Variants in TCF4 observed in about 807,000 individuals in gnomAD.
The protein encoded by TCF4 is transcription factor 4.
A neutral mutation model predicts 82.1 loss-of-function variants in TCF4; 3 were observed. The ratio of observed to expected loss-of-function variants is 0.04; its 90% confidence interval spans 0.02 to 0.09. TCF4 has a LOEUF of 0.09. Among genes scored for constraint, TCF4 ranks in the 10% least tolerant of loss-of-function variants. TCF4 has a pLI of 1.00. For synonymous variants in TCF4, 276 were observed against 309.6 expected (o/e 0.89, Z 1.14); for missense variants, 518 against 852.7 (o/e 0.61, Z 4.89).
chr18:55,627,555 G>C (rs1205483974), intron 2 of TCF4, among the ~76,000 whole-genome samples: 1 of 150,954 alleles, frequency 6.6e-6, no homozygotes, highest in African/African-American at 2.4e-5. Context: ...CTTGAGGTCA[G>C]GAGTTCGAGA....
At chr18:55,498,599 C>G (rs1568234352) in intron 3 of TCF4, among the ~76,000 whole-genome samples, 1 of 152,160 alleles carries the variant, frequency 6.6e-6, no homozygotes, top group Non-Finnish European at 1.5e-5. Flanking sequence ...GTGAATCCCC[C>G]CTTTTTACCT....
intron 5 of TCF4, among the ~76,000 whole-genome samples, chr18:55,442,735 G>A (rs1038843516): frequency 3.3e-5 from 5 of 152,052 alleles, no homozygotes; most frequent in South Asian, 2.1e-4. Flanking sequence ...TCCCTCTTCC[G>A]TCACACCGGA....
At chr18:55,621,967 ATATT>A (rs2097721181) in intron 2 of TCF4, among the ~76,000 whole-genome samples, 1 of 127,274 alleles carries the variant, frequency 7.9e-6, no homozygotes, top group Admixed American at 9.5e-5. Flanking sequence ...TATACACTAT[ATATT>A]ATATATTATA....
intron 2 of TCF4, among the ~76,000 whole-genome samples, chr18:55,618,757 T>A (rs1395029431): frequency 2.2e-5 from 1 of 45,632 alleles, no homozygotes; most frequent in Non-Finnish European, 6.7e-5. Context: ...AATTAATTTT[T>A]TTTTTTTTTT....
At chr18:55,261,682 G>T in intron 11 of TCF4, 149 bp from the exon 12 acceptor site, 1 of 905,782 alleles carries the variant, frequency 1.1e-6, no homozygotes, top group Non-Finnish European at 1.8e-6. Context: ...GTTTGCTGAG[G>T]TAGATGTCAA....
At chr18:55,472,376 G>A (rs2096202981) in intron 3 of TCF4, among the ~76,000 whole-genome samples, 1 of 152,154 alleles carries the variant, frequency 6.6e-6, no homozygotes, top group African/African-American at 2.4e-5. Context: ...TATATTTGGA[G>A]GTGTCAACGA....
At chr18:55,418,832 A>G (rs1301023586) in intron 5 of TCF4, among the ~76,000 whole-genome samples, 4 of 152,190 alleles carry the variant, frequency 2.6e-5, no homozygotes, top group Non-Finnish European at 5.9e-5. Flanking sequence ...CTTTTTATCT[A>G]AGAAAAGTAG....
chr18:55,568,291 A>C (rs2097427975), intron 3 of TCF4, among the ~76,000 whole-genome samples: 2 of 151,930 alleles, frequency 1.3e-5, no homozygotes, highest in South Asian at 4.1e-4. Flanking sequence ...TGGTTTGAAA[A>C]GAGTAATAAA....
intron 8 of TCF4, among the ~76,000 whole-genome samples, chr18:55,313,716 C>T (rs1000573844): frequency 4.6e-5 from 7 of 151,934 alleles, no homozygotes; most frequent in South Asian, 2.1e-4. Context: ...AGGGGAGAGC[C>T]GGGCTCAAGT....
intron 3 of TCF4, among the ~76,000 whole-genome samples, chr18:55,483,868 A>G (rs906314468): frequency 9.9e-5 from 15 of 152,248 alleles, no homozygotes; most frequent in Non-Finnish European, 1.9e-4. Context: ...ATTAATATTT[A>G]AAGTTCTGCT....
chr18:55,352,353 A>G (rs1462118182), intron 6 of TCF4, among the ~76,000 whole-genome samples: 4 of 152,168 alleles, frequency 2.6e-5, no homozygotes, highest in East Asian at 1.9e-4. Flanking sequence ...ATAGCTAAAT[A>G]TCATAAAGAG....
chr18:55,270,697 G>C (rs1459925619), intron 10 of TCF4, among the ~76,000 whole-genome samples: 1 of 152,094 alleles, frequency 6.6e-6, no homozygotes, highest in Non-Finnish European at 1.5e-5. Context: ...TCTGCTTTGA[G>C]TTTAATTATT....
intron 15 of TCF4, among the ~76,000 whole-genome samples, chr18:55,244,172 C>T (rs1393265078): frequency 6.6e-6 from 1 of 152,188 alleles, no homozygotes; most frequent in Non-Finnish European, 1.5e-5. Flanking sequence ...ACCTGACGTG[C>T]ACTGGCCTTT....
chr18:55,392,531 C>T (rs1489816565), intron 6 of TCF4, among the ~76,000 whole-genome samples: 3 of 150,932 alleles, frequency 2.0e-5, no homozygotes, highest in Non-Finnish European at 2.9e-5. Flanking sequence ...TAACAGTCAT[C>T]ACCTCATATT....
intron 5 of TCF4, among the ~76,000 whole-genome samples, chr18:55,405,597 G>T (rs942490518): frequency 1.3e-5 from 2 of 152,134 alleles, no homozygotes; most frequent in Non-Finnish European, 2.9e-5. Context: ...CAGGAGGGAG[G>T]AATCTTTCTG....
rs934606229 is a variant in TCF4 at position 55,351,876 on chromosome 18, G to A, written c.370-873C>T. On this transcript the variant is annotated intron_variant, in intron 6 of 19. Coordinates refer to ENST00000354452, the MANE Select transcript of TCF4 (RefSeq NM_001083962.2). ...TATTCTGATATGCAATAAAACAAGA[G>A]TAGATAGTACCATTTATATTAAGAA... 15 of 898,426 alleles carry A rather than the reference G, an allele frequency of 1.7e-5. No homozygotes were observed. In the African/African-American group the frequency reaches 2.7e-4, roughly 16 times the overall value. 55.7% of individuals were successfully genotyped at this position (898,426 alleles called of 1,614,324 possible). A position where few individuals can be genotyped will look rare whatever the true frequency, so the allele number is the denominator to read the frequency against.
intron 8 of TCF4, among the ~76,000 whole-genome samples, chr18:55,317,449 A>G (rs2074422974): frequency 6.6e-6 from 1 of 152,094 alleles, no homozygotes; most frequent in Non-Finnish European, 1.5e-5. Context: ...TGTAATTTGC[A>G]TAGTTGACAC....
intron 6 of TCF4, among the ~76,000 whole-genome samples, chr18:55,379,565 G>A (rs1409825606): frequency 6.6e-6 from 1 of 152,138 alleles, no homozygotes; most frequent in East Asian, 1.9e-4. Flanking sequence ...AGGGAGGAAG[G>A]GGACCAGCCT....
At chr18:55,432,316 T>A (rs1016236537) in intron 5 of TCF4, among the ~76,000 whole-genome samples, 1 of 151,862 alleles carries the variant, frequency 6.6e-6, no homozygotes, top group Admixed American at 6.6e-5. Context: ...AATAAATAAA[T>A]AAATAAATAT....
Sources: gnomAD v4.1 joint callset for allele counts (sites outside exome capture counted in the v4.1 genomes callset) on GRCh38, gnomAD v4.1.1 for gene constraint, MANE v1.5 for transcripts, NCBI Gene and HGNC (gene_info 2026-07-23, HGNC 2026-07-21) for gene names.